The following HIVEP1 variants were observed in gnomAD, a reference collection of about 807,000 sequenced individuals.
HIVEP1 encodes HIVEP zinc finger 1, also known as zinc finger protein 40.
Under a neutral mutation model 180.0 loss-of-function variants are expected in HIVEP1, and 36 were observed. The observed-to-expected ratio is 0.20, with a 90% CI of 0.15 to 0.26. The LOEUF (loss-of-function observed/expected upper bound fraction) is 0.26, where lower values mean the gene tolerates loss of function less well. Ranked by LOEUF, HIVEP1 falls within the 10% of genes least tolerant of loss-of-function variation. HIVEP1 has a pLI of 1.00. For missense variants in HIVEP1, 3,143 were observed against 3,268.7 expected (o/e 0.96, Z 0.94); for synonymous variants, 1,239 against 1,239.0 (o/e 1.00, Z 0.00).
At chr6:12,090,506 A>G (rs1288448354) in intron 3 of HIVEP1, among the ~76,000 whole-genome samples, 2 of 151,960 alleles carry the variant, frequency 1.3e-5, no homozygotes, top group South Asian at 4.1e-4. Flanking sequence ...AGCACCCCTC[A>G]TGTCTGCCTT....
chr6:12,193,054 G>T, the HIVEP1 span, among the ~76,000 whole-genome samples: 1 of 152,142 alleles, frequency 6.6e-6, no homozygotes, highest in African/African-American at 2.4e-5. Context: ...TTATAGAGCT[G>T]TTATAAGGCT....
chr6:12,143,144 C>G (rs1185420069), intron 7 of HIVEP1, among the ~76,000 whole-genome samples: 6 of 152,222 alleles, frequency 3.9e-5, no homozygotes, highest in Non-Finnish European at 8.8e-5. Flanking sequence ...CAATAAAATA[C>G]TGGCAAACCA....
intron 2 of HIVEP1, chr6:12,038,375 GT>G (rs1769432705): frequency 1.3e-5 from 2 of 152,160 alleles, no homozygotes; most frequent in Non-Finnish European, 2.9e-5. Context: ...CACAGAAAAA[GT>G]TAAGAATCAT....
At chr6:12,099,204 C>T (rs1456042795) in intron 3 of HIVEP1, among the ~76,000 whole-genome samples, 3 of 134,800 alleles carry the variant, frequency 2.2e-5, no homozygotes, top group African/African-American at 5.9e-5. Flanking sequence ...TTTTTTGAGA[C>T]GGAGTCTCGC....
In HIVEP1 at chr6:12,080,955, T is replaced by G. The variant is rs575525906; in HGVS notation, c.41-8229T>G. Among the ~76,000 whole-genome samples, 6 of 152,212 alleles carry G rather than the reference T, an allele frequency of 3.9e-5. No individual in the cohort carries two copies. The South Asian group carries it at 1.2e-3, about 32-fold the overall frequency. ...CTTGAACCATTACCTATAAATTAAT[T>G]AAAACCTGCAGCTCCCTCTATCTCT... is the stretch of plus-strand genomic sequence containing the variant. On this transcript the variant is annotated intron_variant, in intron 2 of 8. Coordinates refer to ENST00000379388, the MANE Select transcript of HIVEP1 (RefSeq NM_002114.4).
chr6:12,026,378 G>A (rs372637790), intron 2 of HIVEP1, among the ~76,000 whole-genome samples: 1 of 152,130 alleles, frequency 6.6e-6, no homozygotes, highest in Non-Finnish European at 1.5e-5. Flanking sequence ...GTTTTGAGAC[G>A]GGTTTTTAAA....
In HIVEP1 at chr6:12,120,379, C is replaced by A; in HGVS notation, c.584C>A (p.Ala195Glu). The change falls in exon 4 of 9, where the codon GCA becomes GAA. Residue 195 changes from alanine to glutamate, a missense_variant. This residue lies in a region of HIVEP1 where 306 missense variants were observed against 310.6 expected (regional missense o/e 0.99). Transcript: ENST00000379388. ...GTTSPSYTNT[A>E]FDVLLKAMEP... ...ACGTCCCCCTCCTATACAAACACTGCATTCGATGTCTTACTGAAAGCAATG... is the reference window on the plus strand; with the variant it reads ...ACGTCCCCCTCCTATACAAACACTGAATTCGATGTCTTACTGAAAGCAATG... The A allele has an allele frequency of 6.2e-7, 1 of 1,614,224 alleles. No homozygotes were observed.
At chr6:12,205,490 A>T in the HIVEP1 span, among the ~76,000 whole-genome samples, 5 of 151,998 alleles carry the variant, frequency 3.3e-5, no homozygotes, top group African/African-American at 1.2e-4. Context: ...AAAAATTTGA[A>T]CAAAGCTACG....
chr6:12,055,347 C>T (rs1248446351), intron 2 of HIVEP1, among the ~76,000 whole-genome samples: 1 of 152,094 alleles, frequency 6.6e-6, no homozygotes, highest in East Asian at 1.9e-4. Context: ...GTGGCACGTG[C>T]CTGTAATCCC....
rs1381200746 is a variant in HIVEP1 at position 12,163,891 on chromosome 6, T to G, written c.7587T>G (p.Pro2529=). The G allele has an allele frequency of 6.2e-7, 1 of 1,614,104 alleles. No individual in the cohort carries two copies. The part of the protein sequence containing the change: ...AVGLQVLTAN[P]SSQSSPAPQA... ...GACTGCAGGTTCTGACTGCAAACCC[T>G]TCATCACAAAGCAGCCCCGCCCCTC... is the stretch of plus-strand genomic sequence containing the variant. Residue 2529 remains proline (P), a synonymous_variant, in exon 9 of 9, where the codon CCT becomes CCG. Transcript: ENST00000379388.
intron 2 of HIVEP1, among the ~76,000 whole-genome samples, chr6:12,066,893 T>C (rs185374804): frequency 1.2e-4 from 19 of 152,108 alleles, no homozygotes; most frequent in Admixed American, 3.9e-4. Flanking sequence ...TATATATATA[T>C]ACACACACAT....
intron 2 of HIVEP1, 108 bp downstream of exon 2, chr6:12,015,776 G>C (rs6916066): frequency 0.72 from 657,674 of 918,026 alleles, 238,296 homozygotes; most frequent in Admixed American, 0.75. Flanking sequence ...TGCCTGGTGA[G>C]GAGCGCTATT....
chr6:12,106,761 C>T (rs937412302), intron 3 of HIVEP1, among the ~76,000 whole-genome samples: 4 of 152,184 alleles, frequency 2.6e-5, no homozygotes, highest in African/African-American at 9.7e-5. Flanking sequence ...AATAAGTGGC[C>T]ATTGCAGGAA....
At position 12,099,183 on chromosome 6, in the gene HIVEP1, G is replaced by GGTTTTTTTTTTTTTTTTTTTTTTTTT. The variant is rs373744044; in HGVS notation, c.94+9946_94+9947insGTTTTTTTTTTTTTTTTTTTTTTTTT. On this transcript the variant is annotated intron_variant, in intron 3 of 8. Coordinates refer to ENST00000379388, the MANE Select transcript of HIVEP1 (RefSeq NM_002114.4). ...AGGAGCCAGAGGGAAATGTCACTGA[G>GGTTTTTTTTTTTTTTTTTTTTTTTTT]TTTTTTTTTTTTTTTTGAGACGGAG... Among the ~76,000 whole-genome samples, 41 of 138,438 alleles carry GGTTTTTTTTTTTTTTTTTTTTTTTTT rather than the reference G, an allele frequency of 3.0e-4. 2 individuals carry two copies. The highest frequency in any genetic ancestry group is 9.8e-4 in the African/African-American group (36 of 36,556). The allele number at this position is 138,438 out of a possible 152,430, so 90.8% of individuals were successfully genotyped here.
rs371234412 is a variant in HIVEP1 at position 12,091,197 on chromosome 6, G to T, written c.94+1960G>T. On this transcript the variant is annotated intron_variant, in intron 3 of 8. Transcript: ENST00000379388. ...TGCTGATACCTATTTTATTTTAAAG[G>T]ATATTCATTTCTTCCATCAAAGAAT... Among the ~76,000 whole-genome samples, 13 of 152,010 alleles carry T rather than the reference G, an allele frequency of 8.6e-5. 2 individuals are homozygous for T. In the East Asian group the frequency reaches 2.3e-3, roughly 27 times the overall value.
downstream of HIVEP1, among the ~76,000 whole-genome samples, chr6:12,167,416 A>G (rs1760730557): frequency 1.3e-5 from 2 of 151,464 alleles, no homozygotes; most frequent in Admixed American, 1.3e-4. Context: ...AAAACCATCT[A>G]TAAATTCTAA....
intron 3 of HIVEP1, among the ~76,000 whole-genome samples, chr6:12,094,865 C>G (rs898789183): frequency 3.9e-5 from 6 of 151,942 alleles, no homozygotes; most frequent in African/African-American, 1.2e-4. Context: ...GGAACTGTAC[C>G]TTTGTAGGCA....
At chr6:12,161,978 T>C in intron 8 of HIVEP1, 49 bp downstream of exon 8, 1 of 1,507,790 alleles carries the variant, frequency 6.6e-7, no homozygotes, top group Non-Finnish European at 9.0e-7. Context: ...TTTTAACCTA[T>C]TAAATATGGA....
At position 12,163,699 on chromosome 6, in the gene HIVEP1, A is replaced by G; in HGVS notation, c.7395A>G (p.Pro2465=). Residue 2465 remains proline (P), a synonymous_variant, in exon 9 of 9, where the codon CCA becomes CCG. Transcript: ENST00000379388. ...AGVAELSSVV[P]CIPIGQIRVP... is the part of the protein sequence containing the mutation. ...TGGCTGAATTAAGCAGTGTTGTGCC[A>G]TGTATTCCTATCGGCCAAATCCGCG... 1.9e-6 allele frequency: 3 copies of G among 1,614,138 alleles called. No individual in the cohort carries two copies. Among genetic ancestry groups the G allele is most frequent in the Non-Finnish European group, 2.5e-6 (3 of 1,180,026 alleles).
Sources: gnomAD v4.1 joint callset for allele counts (sites outside exome capture counted in the v4.1 genomes callset) on GRCh38, gnomAD v4.1.1 for gene constraint, gnomAD v4.1.1 regional missense constraint, MANE v1.5 for transcripts, NCBI Gene and HGNC (gene_info 2026-07-23, HGNC 2026-07-21) for gene names.